Variants in ATF6 observed in about 807,000 individuals in gnomAD.
The protein encoded by ATF6 is activating transcription factor 6.
ATF6 carries 53 observed loss-of-function variants against 83.6 expected under a neutral mutation model. The ratio of observed to expected loss-of-function variants is 0.63; its 90% confidence interval spans 0.51 to 0.80. The LOEUF (loss-of-function observed/expected upper bound fraction) is 0.80. ATF6 is among the 30% of genes least tolerant of loss of function. The pLI is 0.00. For missense variants in ATF6, 744 were observed against 797.9 expected (o/e 0.93, Z 0.81); for synonymous variants, 288 against 285.8 (o/e 1.01, Z -0.08).
In ATF6 at chr1:161,810,629, A is replaced by G. The variant is rs530730325; in HGVS notation, c.909+8357A>G. Reference sequence around the variant, plus strand: ...TTGTCTTTTTTTTTTTAACAGCTTCATTGAGATAAAATGCACATTACATAA... The same window carrying G: ...TTGTCTTTTTTTTTTTAACAGCTTCGTTGAGATAAAATGCACATTACATAA... On this transcript the variant is annotated intron_variant, in intron 7 of 15. Transcript: ENST00000367942. Among the ~76,000 whole-genome samples the G allele has an allele frequency of 3.3e-5, 5 of 151,388 alleles. No individual in the cohort carries two copies. In the South Asian group the frequency reaches 6.3e-4, roughly 19 times the overall value.
intron 1 of ATF6, among the ~76,000 whole-genome samples, chr1:161,774,069 T>G (rs764769809): frequency 6.6e-6 from 1 of 152,242 alleles, no homozygotes; most frequent in Non-Finnish European, 1.5e-5. Context: ...ATGAAACTCC[T>G]AAACACTTCA....
At chr1:161,940,921 T>C (rs1298868281) in intron 15 of ATF6, among the ~76,000 whole-genome samples, 2 of 152,142 alleles carry the variant, frequency 1.3e-5, no homozygotes, top group Non-Finnish European at 2.9e-5. Flanking sequence ...TTCCTCTTTA[T>C]TCTTGTTGTA....
At chr1:161,855,578 TAAAG>T (rs1686738255) in intron 12 of ATF6, among the ~76,000 whole-genome samples, 1 of 151,718 alleles carries the variant, frequency 6.6e-6, no homozygotes, top group African/African-American at 2.4e-5. Flanking sequence ...TAGAGAGAAA[TAAAG>T]AGGAAAGAAA....
At chr1:161,790,039 G>C (rs774406067) in intron 4 of ATF6, among the ~76,000 whole-genome samples, 9 of 151,972 alleles carry the variant, frequency 5.9e-5, no homozygotes, top group Non-Finnish European at 1.3e-4. Flanking sequence ...GTTTAAATTT[G>C]CCTTTGACTA....
At chr1:161,782,652 T>A (rs949196684) in intron 3 of ATF6, among the ~76,000 whole-genome samples, 1 of 152,218 alleles carries the variant, frequency 6.6e-6, no homozygotes, top group Non-Finnish European at 1.5e-5. Context: ...AGTGAATAAA[T>A]AACCAGCACA....
rs1194787094 is a variant in ATF6, at chr1:161,792,287, G to A, written c.648G>A (p.Lys216=). The part of the protein sequence containing the change: ...QTVPTLMPLA[K]QQPIISLQPA... ...TACCAACGCTTATGCCATTGGCAAA[G>A]CAGCAACCAATTATCAGTTTACAAC... The change falls in exon 6 of 16, where the codon AAG becomes AAA. Residue 216 remains lysine (K), a synonymous_variant. Coordinates refer to ENST00000367942, the MANE Select transcript of ATF6 (RefSeq NM_007348.4). The A allele has an allele frequency of 1.2e-6, 2 of 1,613,940 alleles. No homozygotes were observed. Among genetic ancestry groups the A allele is most frequent in the Admixed American group, 3.3e-5 (2 of 60,004 alleles).
intron 4 of ATF6, among the ~76,000 whole-genome samples, chr1:161,790,275 A>T (rs1163248294): frequency 2.0e-5 from 3 of 152,050 alleles, no homozygotes; most frequent in Non-Finnish European, 4.4e-5. Flanking sequence ...GTATTCTCTT[A>T]AATTTTATTT....
chr1:161,851,413 C>T (rs909525783), intron 10 of ATF6, among the ~76,000 whole-genome samples: 1 of 152,178 alleles, frequency 6.6e-6, no homozygotes, highest in Non-Finnish European at 1.5e-5. Context: ...TCTGTACCAG[C>T]AGCATTGTGC....
chr1:161,843,642 C>G (rs549495611), intron 9 of ATF6, among the ~76,000 whole-genome samples: 1 of 152,228 alleles, frequency 6.6e-6, no homozygotes, highest in African/African-American at 2.4e-5. Flanking sequence ...GTGGTAGCTA[C>G]TGTTAAAATA....
At chr1:161,805,137 T>C (rs1353692481) in intron 7 of ATF6, among the ~76,000 whole-genome samples, 1 of 152,162 alleles carries the variant, frequency 6.6e-6, no homozygotes, top group Non-Finnish European at 1.5e-5. Flanking sequence ...TCTACATTTA[T>C]TGTATGAATG....
chr1:161,856,874 T>G (rs1686778051), intron 12 of ATF6, among the ~76,000 whole-genome samples: 1 of 152,346 alleles, frequency 6.6e-6, no homozygotes, highest in Admixed American at 6.5e-5. Flanking sequence ...TTAATTTTAC[T>G]GTCTTTGTTC....
chr1:161,767,333 T>G (rs1407310337), intron 1 of ATF6, among the ~76,000 whole-genome samples: 2 of 152,216 alleles, frequency 1.3e-5, no homozygotes, highest in Non-Finnish European at 2.9e-5. Flanking sequence ...AATCTCAACT[T>G]TTTATTGAAC....
At chr1:161,911,372 G>A (rs1016887450) in intron 14 of ATF6, among the ~76,000 whole-genome samples, 2 of 152,152 alleles carry the variant, frequency 1.3e-5, no homozygotes, top group Non-Finnish European at 2.9e-5. Flanking sequence ...AAAGTCATAA[G>A]TCATTTATAA....
At position 161,958,823 on chromosome 1, in the gene ATF6, C is replaced by T; in HGVS notation, c.*169C>T. 1.7e-6 allele frequency: 1 copy of T among 575,376 alleles called. No individual in the cohort carries two copies. The highest frequency in any genetic ancestry group is 2.9e-6 in the Non-Finnish European group (1 of 341,608). 35.6% of individuals were successfully genotyped at this position (575,376 alleles called of 1,614,324 possible). The stretch of plus-strand genomic sequence containing the variant: ...AAGCTGCTCCATTTTTCATCATCTA[C>T]CCATCTATTTGGAAAGCACTGGAAT... On this transcript the variant is annotated 3_prime_UTR_variant, in exon 16 of 16. Transcript: ENST00000367942.
At chr1:161,791,988 T>A (rs1684889968) in intron 5 of ATF6, 136 bp from the exon 6 acceptor site, 1 of 782,078 alleles carries the variant, frequency 1.3e-6, no homozygotes, top group Admixed American at 2.1e-5. Context: ...GTACTGTAGC[T>A]ATGCTTAAAC....
At chr1:161,919,445 T>C (rs2101894137) in intron 15 of ATF6, among the ~76,000 whole-genome samples, 1 of 152,322 alleles carries the variant, frequency 6.6e-6, no homozygotes, top group South Asian at 2.1e-4. Flanking sequence ...TTCATTTCCT[T>C]TCTTTCACTC....
chr1:161,815,184 ATTTTTTTT>A (rs34687938), intron 7 of ATF6, among the ~76,000 whole-genome samples: 31 of 96,426 alleles, frequency 3.2e-4, no homozygotes, highest in Admixed American at 7.7e-4. Flanking sequence ...TCCCATTTTA[ATTTTTTTT>A]TTTTTTTTTT....
chr1:161,786,203 T>C (rs1008180718), intron 4 of ATF6, among the ~76,000 whole-genome samples: 2 of 152,298 alleles, frequency 1.3e-5, no homozygotes, highest in Admixed American at 6.5e-5. Context: ...CAGGCTGGTC[T>C]CGAACTTCTG....
At chr1:161,858,995 A>AT in intron 12 of ATF6, among the ~76,000 whole-genome samples, 1 of 152,252 alleles carries the variant, frequency 6.6e-6, no homozygotes, top group East Asian at 1.9e-4. Flanking sequence ...TAATCTGTTC[A>AT]TTTTCAACCT....
Sources: gnomAD v4.1 joint callset for allele counts (sites outside exome capture counted in the v4.1 genomes callset) on GRCh38, gnomAD v4.1.1 for gene constraint, MANE v1.5 for transcripts, NCBI Gene and HGNC (gene_info 2026-07-23, HGNC 2026-07-21) for gene names.